Variants in TMEM245 observed in about 807,000 individuals in gnomAD.
TMEM245 encodes protein CG-2.
In TMEM245, 69 loss-of-function variants were observed where a neutral mutation model predicts 101.2. The observed-to-expected ratio is 0.68, with a 90% CI of 0.56 to 0.83. TMEM245 has a LOEUF of 0.83. Among genes scored for constraint, TMEM245 ranks in the 40% least tolerant of loss-of-function variants. The pLI is 0.00. For synonymous variants in TMEM245, 537 were observed against 449.8 expected (o/e 1.19, Z -2.45); for missense variants, 1,075 against 1,092.8 (o/e 0.98, Z 0.23).
At chr9:109,116,677 C>T (rs992216004) in intron 1 of TMEM245, among the ~76,000 whole-genome samples, 2 of 152,058 alleles carry the variant, frequency 1.3e-5, no homozygotes, top group African/African-American at 2.4e-5. Context: ...CAGGTGTGCG[C>T]CACCATGCCT....
At chr9:109,036,529 T>G in intron 15 of TMEM245, 149 bp from the exon 16 acceptor site, 1 of 740,882 alleles carries the variant, frequency 1.3e-6, no homozygotes, top group Non-Finnish European at 2.0e-6. Context: ...TGATATGCCC[T>G]ATCTAACTGA....
chr9:109,119,472 G>GGCA lies in TMEM245; in HGVS notation c.441_442insTGC (p.Arg147_Leu148insCys). The GGCA allele has an allele frequency of 6.7e-7, 1 of 1,485,266 alleles. No homozygotes were observed. The highest frequency in any genetic ancestry group is 8.9e-7 in the Non-Finnish European group (1 of 1,128,218). 92.0% of individuals were successfully genotyped at this position (1,485,266 alleles called of 1,614,324 possible). A position where few individuals can be genotyped will look rare whatever the true frequency, so the allele number is the denominator to read the frequency against. ...CCGCCGGCGCCGAGCAGCAGGAGCA[G>GGCA]GCGGCGGCGGCGCAGCGCCTGCTCG... On this transcript the variant is annotated inframe_insertion, in exon 1 of 18. Transcript: ENST00000374586.
At chr9:109,037,295 C>A (rs527423331) in intron 15 of TMEM245, among the ~76,000 whole-genome samples, 34 of 152,314 alleles carry the variant, frequency 2.2e-4, no homozygotes, top group Non-Finnish European at 4.9e-4. Context: ...TTGCTCCCTG[C>A]CAATCAGTTC....
chr9:109,057,417 C>T, intron 11 of TMEM245, 95 bp from the exon 12 acceptor site: 8 of 1,396,520 alleles, frequency 5.7e-6, no homozygotes, highest in Non-Finnish European at 7.8e-6. Flanking sequence ...CCCTTCATCA[C>T]TTCAGTAAGT....
intron 10 of TMEM245, among the ~76,000 whole-genome samples, chr9:109,063,588 A>G (rs1829079854): frequency 6.6e-6 from 1 of 152,232 alleles, no homozygotes; most frequent in South Asian, 2.1e-4. Context: ...CAGTATACTA[A>G]AAGTGCAAAT....
chr9:109,075,123 A>T (rs1829458993), intron 8 of TMEM245, among the ~76,000 whole-genome samples: 1 of 152,254 alleles, frequency 6.6e-6, no homozygotes, highest in Non-Finnish European at 1.5e-5. Context: ...AGCTTTGAGC[A>T]GGACAGTAGC....
intron 12 of TMEM245, 65 bp from the exon 13 acceptor site, chr9:109,050,757 A>T (rs988703693): frequency 5.7e-5 from 91 of 1,594,710 alleles, no homozygotes; most frequent in Non-Finnish European, 7.8e-5. Flanking sequence ...AGAGCCATCT[A>T]GTGTGCTTTT....
At chr9:109,107,271 T>G (rs1457324133) in intron 2 of TMEM245, among the ~76,000 whole-genome samples, 3 of 151,366 alleles carry the variant, frequency 2.0e-5, no homozygotes, top group African/African-American at 4.9e-5. Flanking sequence ...TGGTGGTACA[T>G]GCCTGTAATC....
At chr9:109,042,520 T>G (rs369161586) in intron 14 of TMEM245, 3 of 152,360 alleles carry the variant, frequency 2.0e-5, no homozygotes, top group Admixed American at 6.5e-5. Flanking sequence ...CTTCATTCCT[T>G]GGCTCATGGC....
chr9:109,044,767 T>G lies in TMEM245; in HGVS notation c.2123+5516A>C, dbSNP rs925864665. Among the ~76,000 whole-genome samples the G allele has an allele frequency of 2.0e-5, 3 of 150,940 alleles. No homozygotes were observed. The South Asian group carries it at 6.3e-4, about 32-fold the overall frequency. On this transcript the variant is annotated intron_variant, in intron 14 of 17. Transcript: ENST00000374586. Reference sequence around the variant, plus strand: ...CTTGATCATTTATCATTTTGGTTTTTTTTTTTTTTTTTGAGATAGAGTCTC... The same window carrying G: ...CTTGATCATTTATCATTTTGGTTTTGTTTTTTTTTTTTGAGATAGAGTCTC...
Position 109,018,889 on chromosome 9 carries a change from G to A in TMEM245, c.*1571C>T, listed in dbSNP as rs766180447. 153 of 146,804 alleles carry A rather than the reference G, an allele frequency of 1.0e-3. No homozygotes were observed. Among genetic ancestry groups the A allele is most frequent in the Non-Finnish European group, 1.5e-3 (101 of 68,426 alleles). The allele number at this position is 146,804 out of a possible 1,614,324, so 9.1% of individuals were successfully genotyped here. On this transcript the variant is annotated 3_prime_UTR_variant, in exon 18 of 18. Coordinates refer to ENST00000374586, the MANE Select transcript of TMEM245 (RefSeq NM_032012.4). ...TAGCTCAGACTATAGCCACACCACC[G>A]TGCCCAGCTAATTTTTTTTTTTTTT...
At chr9:109,091,220 C>G in intron 4 of TMEM245, 65 bp from the exon 5 acceptor site, 1 of 1,405,730 alleles carries the variant, frequency 7.1e-7, no homozygotes, top group Non-Finnish European at 9.8e-7. Context: ...GAATACAGAG[C>G]CACTCATTAG....
chr9:109,097,959 T>C (rs945881035), intron 3 of TMEM245, among the ~76,000 whole-genome samples: 4 of 152,150 alleles, frequency 2.6e-5, no homozygotes, highest in Non-Finnish European at 5.9e-5. Context: ...GCTGGGTATG[T>C]AGGAAGTACT....
chr9:109,047,071 A>G (rs1190822645), intron 14 of TMEM245, among the ~76,000 whole-genome samples: 2 of 152,330 alleles, frequency 1.3e-5, no homozygotes, highest in East Asian at 3.9e-4. Flanking sequence ...GGTTAGAAAA[A>G]TGTCTCAGGC....
rs113488196 is a variant in TMEM245, at chr9:109,077,529, G to C, written c.1449+3310C>G. On this transcript the variant is annotated intron_variant, in intron 8 of 17. Coordinates refer to ENST00000374586, the MANE Select transcript of TMEM245 (RefSeq NM_032012.4). ...ATTACTGCAAGGAGTACTGAATCCT[G>C]AACTATAATCATAGATTTGTTTATT... Among the ~76,000 whole-genome samples the C allele has an allele frequency of 9.7e-4, 147 of 152,278 alleles. 1 individual carries two copies. Among genetic ancestry groups the C allele is most frequent in the African/African-American group, 3.3e-3 (137 of 41,546 alleles).
intron 1 of TMEM245, 36 bp downstream of exon 1, chr9:109,119,299 C>A (rs1310637418): frequency 1.3e-6 from 2 of 1,509,496 alleles, no homozygotes; most frequent in Non-Finnish European, 1.8e-6. Context: ...GCCGGGACCA[C>A]GGGCGGGGGA....
Position 109,087,275 on chromosome 9 carries a change from C to A in TMEM245, c.1218G>T (p.Val406=). The stretch of plus-strand genomic sequence containing the variant: ...GGAAGCTTTCTATAATGCCCCACCA[C>A]ACATGGTAGCGTTTCTCTAGGAAAT... ...VVDFLEKRYH[V]WWGIIESFLK... is the part of the protein sequence containing the mutation. The change falls in exon 6 of 18, where the codon GTG becomes GTT. Residue 406 remains valine, a synonymous_variant. Coordinates refer to ENST00000374586, the MANE Select transcript of TMEM245 (RefSeq NM_032012.4). 1.2e-6 allele frequency: 2 copies of A among 1,613,904 alleles called. No homozygotes were observed. Among genetic ancestry groups the A allele is most frequent in the Non-Finnish European group, 1.7e-6 (2 of 1,179,908 alleles).
At chr9:109,097,534 T>C (rs1035290233) in intron 3 of TMEM245, among the ~76,000 whole-genome samples, 1 of 152,180 alleles carries the variant, frequency 6.6e-6, no homozygotes, top group East Asian at 1.9e-4. Context: ...ATAGGCAAGT[T>C]AGTTAACGTC....
At position 109,033,494 on chromosome 9, in the gene TMEM245, G is replaced by A; in HGVS notation, c.2407C>T (p.His803Tyr). ...ACTGCCAAGCCTGTCAGGTAAGGATGGCCACCTCTGGAATAAAGAGCACGA... is the reference window on the plus strand; with the variant it reads ...ACTGCCAAGCCTGTCAGGTAAGGATAGCCACCTCTGGAATAAAGAGCACGA... ...AIYSDISGGG[H>Y]PYLTGLAVAG... The change falls in exon 17 of 18, where the codon CAT becomes TAT. Residue 803 changes from histidine to tyrosine, a missense_variant. By Grantham distance (83) the His-to-Tyr change is moderately conservative. This residue lies in a region of TMEM245 where 267 missense variants were observed against 351.3 expected (regional missense o/e 0.76). Coordinates refer to ENST00000374586, the MANE Select transcript of TMEM245 (RefSeq NM_032012.4). 3 of 1,593,566 alleles carry A rather than the reference G, an allele frequency of 1.9e-6. No homozygotes were observed. The highest frequency in any genetic ancestry group is 2.6e-6 in the Non-Finnish European group (3 of 1,171,124).
Sources: allele counts gnomAD v4.1 joint callset (sites outside exome capture counted in the v4.1 genomes callset), GRCh38; gene constraint gnomAD v4.1.1; regional missense constraint gnomAD v4.1.1; transcripts MANE v1.5; gene names NCBI Gene and HGNC (gene_info 2026-07-23, HGNC 2026-07-21).